LDB2: variants seen among roughly 807,000 people sequenced by gnomAD.
LDB2 encodes the protein LIM domain-binding protein 2.
LDB2 carries 12 observed loss-of-function variants against 44.3 expected under a neutral mutation model. That is an observed-to-expected ratio of 0.27 (90% CI 0.17 to 0.44). The LOEUF is 0.44. LDB2 is among the 20% of genes least tolerant of loss of function. LDB2 has a pLI of 1.00. For missense variants in LDB2, 344 were observed against 473.5 expected, an observed-to-expected ratio of 0.73 and a Z score of 2.54; for synonymous variants, 164 against 174.8, an observed-to-expected ratio of 0.94 and a Z score of 0.49.
chr4:16,726,325 G>C (rs1405633743), intron 2 of LDB2: 2 of 152,078 alleles, frequency 1.3e-5, no homozygotes, highest in African/African-American at 4.8e-5. Context: ...TCTGAGTCTT[G>C]GGTTCTTACC....
At chr4:16,869,376 G>A (rs1422414617) in intron 1 of LDB2, among the ~76,000 whole-genome samples, 1 of 151,952 alleles carries the variant, frequency 6.6e-6, no homozygotes, top group South Asian at 2.1e-4. Context: ...AGACATGGAG[G>A]TGATAATATC....
intron 1 of LDB2, among the ~76,000 whole-genome samples, chr4:16,866,157 C>T (rs74545368): frequency 0.031 from 4,699 of 152,122 alleles, 223 homozygotes; most frequent in African/African-American, 0.1. Context: ...ATTTTCTTTC[C>T]GCGAAGTGCC....
chr4:16,759,215 CAA>C lies in LDB2; in HGVS notation c.176_177del (p.Phe59Ter). 6.2e-7 allele frequency: 1 copy of C among 1,614,054 alleles called. No individual in the cohort carries two copies. The highest frequency in any genetic ancestry group is 8.5e-7 in the Non-Finnish European group (1 of 1,179,962). ...GAAAGGGTTAATGTGGCGTCATCTTCAAAAAATTCAGTGGCAAAGGCGTCCCA... is the reference window on the plus strand; with the variant it reads ...GAAAGGGTTAATGTGGCGTCATCTTCAAAATTCAGTGGCAAAGGCGTCCCA... Reference protein sequence around the residue: ...LWWDAFATEFFEDDATLTLSF... With the variant: ...LWWDAFATEFXEDDATLTLSF... On this transcript the variant is annotated frameshift_variant, in exon 2 of 8. Transcript: ENST00000304523. LOFTEE classifies it high-confidence loss of function.
intron 2 of LDB2, among the ~76,000 whole-genome samples, chr4:16,724,356 G>T (rs1758972372): frequency 6.6e-6 from 1 of 151,212 alleles, no homozygotes; most frequent in African/African-American, 2.4e-5. Context: ...GTGGGCACCT[G>T]GGTACAGGGA....
intron 2 of LDB2, among the ~76,000 whole-genome samples, chr4:16,697,560 A>C (rs1253112626): frequency 2.0e-5 from 3 of 150,784 alleles, no homozygotes; most frequent in African/African-American, 7.3e-5. Flanking sequence ...GGCCTTCTCT[A>C]CTCCACCTTT....
intron 5 of LDB2, among the ~76,000 whole-genome samples, chr4:16,565,479 A>G (rs1744161585): frequency 6.6e-6 from 1 of 152,162 alleles, no homozygotes; most frequent in South Asian, 2.1e-4. Flanking sequence ...GAATAAGAAT[A>G]GATATTACCT....
intron 5 of LDB2, among the ~76,000 whole-genome samples, chr4:16,515,114 T>C (rs1324291005): frequency 6.6e-6 from 1 of 152,130 alleles, no homozygotes; most frequent in Non-Finnish European, 1.5e-5. Context: ...CATAAAAAAG[T>C]ACAAAATCAT....
chr4:16,608,960 A>C (rs1183417702), intron 2 of LDB2, among the ~76,000 whole-genome samples: 1 of 152,106 alleles, frequency 6.6e-6, no homozygotes, highest in Non-Finnish European at 1.5e-5. Context: ...GGCGGGGCCA[A>C]GACGGCCGAC....
chr4:16,728,336 CTG>C (rs535839866), intron 2 of LDB2, among the ~76,000 whole-genome samples: 112 of 152,188 alleles, frequency 7.4e-4, no homozygotes, highest in Non-Finnish European at 1.4e-3. Flanking sequence ...TGCCCAGAAA[CTG>C]TGCATTTTAA....
At chr4:16,871,039 T>C (rs1716420758) in intron 1 of LDB2, among the ~76,000 whole-genome samples, 1 of 152,208 alleles carries the variant, frequency 6.6e-6, no homozygotes, top group African/African-American at 2.4e-5. Context: ...AGCAGTGTGT[T>C]GCAGCTCTCC....
chr4:16,881,903 G>T (rs981373494), intron 1 of LDB2, among the ~76,000 whole-genome samples: 1 of 152,086 alleles, frequency 6.6e-6, no homozygotes, highest in Non-Finnish European at 1.5e-5. Flanking sequence ...AGATGTTTAC[G>T]CAGTCTAATT....
intron 1 of LDB2, among the ~76,000 whole-genome samples, chr4:16,837,514 T>C (rs1456888219): frequency 6.6e-6 from 1 of 152,216 alleles, no homozygotes; most frequent in Admixed American, 6.5e-5. Flanking sequence ...GTTCAGAGTC[T>C]ATTGAATGTT....
chr4:16,809,380 G>A (rs1367147565), intron 1 of LDB2, among the ~76,000 whole-genome samples: 1 of 152,184 alleles, frequency 6.6e-6, no homozygotes, highest in Non-Finnish European at 1.5e-5. Context: ...ACAAACAGGT[G>A]TCAATGCTAA....
intron 1 of LDB2, among the ~76,000 whole-genome samples, chr4:16,793,737 T>A (rs567491265): frequency 2.0e-5 from 3 of 152,300 alleles, no homozygotes; most frequent in East Asian, 3.9e-4. Flanking sequence ...GTAGGAAATA[T>A]AAAACCCAAA....
chr4:16,630,947 A>C (rs1409095088), intron 2 of LDB2, among the ~76,000 whole-genome samples: 1 of 152,242 alleles, frequency 6.6e-6, no homozygotes, highest in African/African-American at 2.4e-5. Context: ...GCAAGTTCTT[A>C]GAGACCTGCA....
At chr4:16,586,527 AAACACAC>A (rs1717003792) in intron 4 of LDB2, among the ~76,000 whole-genome samples, 3 of 67,202 alleles carry the variant, frequency 4.5e-5, no homozygotes, top group Admixed American at 1.2e-4. Context: ...CACACACACA[AAACACAC>A]ACACACACAC....
intron 1 of LDB2, among the ~76,000 whole-genome samples, chr4:16,891,038 A>G (rs1339719868): frequency 1.3e-5 from 2 of 152,220 alleles, no homozygotes; most frequent in East Asian, 3.9e-4. Flanking sequence ...GGGAGCCAAT[A>G]CTATACCCAA....
intron 2 of LDB2, among the ~76,000 whole-genome samples, chr4:16,684,763 G>A (rs577434833): frequency 1.3e-5 from 2 of 152,260 alleles, no homozygotes; most frequent in South Asian, 4.1e-4. Flanking sequence ...ACTTATTAAA[G>A]AATATAAATT....
intron 1 of LDB2, among the ~76,000 whole-genome samples, chr4:16,849,044 A>G (rs1271151394): frequency 6.6e-6 from 1 of 152,220 alleles, no homozygotes; most frequent in Admixed American, 6.5e-5. Context: ...TTGAAAATTG[A>G]AATTCCTTTC....
Sources: gnomAD v4.1 joint callset for allele counts (sites outside exome capture counted in the v4.1 genomes callset) on GRCh38, gnomAD v4.1.1 for gene constraint, MANE v1.5 for transcripts, NCBI Gene and HGNC (gene_info 2026-07-23, HGNC 2026-07-21) for gene names.